The following MATCAP2 variants were observed in gnomAD, a reference collection of about 807,000 sequenced individuals.
MATCAP2 encodes microtubule associated tyrosine carboxypeptidase 2.
At chr7:36,357,523 G>A in the MATCAP2 span, 3 of 1,613,938 alleles carry the variant, frequency 1.9e-6, no homozygotes. Context: ...TGTTGTCAAT[G>A]ATCAATGAAT....
the MATCAP2 span, among the ~76,000 whole-genome samples, chr7:36,349,832 A>G: frequency 6.6e-6 from 1 of 152,214 alleles, no homozygotes; most frequent in East Asian, 1.9e-4. Flanking sequence ...CATCAAGTTC[A>G]TATCTTCTTC....
chr7:36,325,656 A>G, the MATCAP2 span: 1 of 152,306 alleles, frequency 6.6e-6, no homozygotes, highest in East Asian at 1.9e-4. Context: ...ATCCAGGTAT[A>G]TATATACAAG....
the MATCAP2 span, chr7:36,389,998 C>A: frequency 6.2e-7 from 1 of 1,614,126 alleles, no homozygotes; most frequent in Non-Finnish European, 8.5e-7. Context: ...CCACCGTTTC[C>A]ATCGTCTCGT....
At chr7:36,354,646 G>A in the MATCAP2 span, among the ~76,000 whole-genome samples, 11 of 152,260 alleles carry the variant, frequency 7.2e-5, no homozygotes, top group South Asian at 2.1e-4. Context: ...TTATTCACTC[G>A]GTAGCTGAAG....
At chr7:36,366,879 C>T in the MATCAP2 span, 3 of 1,474,444 alleles carry the variant, frequency 2.0e-6, no homozygotes, top group Non-Finnish European at 2.7e-6. Context: ...CGGTCCGCCC[C>T]GCACCCCCGC....
the MATCAP2 span, among the ~76,000 whole-genome samples, chr7:36,352,847 A>C: frequency 1.3e-5 from 2 of 149,960 alleles, no homozygotes; most frequent in Non-Finnish European, 3.0e-5. Flanking sequence ...AAAAAGTATT[A>C]TGTTTGTAGT....
At chr7:36,351,941 TAAAAAAA>T in the MATCAP2 span, among the ~76,000 whole-genome samples, 188 of 115,294 alleles carry the variant, frequency 1.6e-3, 1 homozygote, top group African/African-American at 5.7e-3. Flanking sequence ...GGGAGATTGT[TAAAAAAA>T]AAAAAAAAAA....
chr7:36,367,056 C>T, the MATCAP2 span: 1 of 1,274,072 alleles, frequency 7.8e-7, no homozygotes, highest in Non-Finnish European at 9.8e-7. Flanking sequence ...CGGCGGGAGG[C>T]GGCTCTCCGC....
chr7:36,374,086 A>G, the MATCAP2 span, among the ~76,000 whole-genome samples: 4 of 151,418 alleles, frequency 2.6e-5, no homozygotes, highest in African/African-American at 4.9e-5. Flanking sequence ...TATTTTATAT[A>G]TATATGTTTT....
chr7:36,346,677 T>C, the MATCAP2 span, among the ~76,000 whole-genome samples: 2 of 152,192 alleles, frequency 1.3e-5, no homozygotes, highest in Non-Finnish European at 2.9e-5. Context: ...CTTTTTGAGG[T>C]GACGAAATGT....
At chr7:36,354,804 T>G in the MATCAP2 span, among the ~76,000 whole-genome samples, 4 of 152,242 alleles carry the variant, frequency 2.6e-5, no homozygotes, top group African/African-American at 9.6e-5. Flanking sequence ...TAGTGCTACT[T>G]AGAAGTCTCA....
chr7:36,366,948 C>A, the MATCAP2 span: 1 of 1,364,098 alleles, frequency 7.3e-7, no homozygotes, highest in Non-Finnish European at 9.4e-7. Flanking sequence ...CATCGTCGCC[C>A]CGAGGCCCGG....
chr7:36,378,730 C>G, the MATCAP2 span, among the ~76,000 whole-genome samples: 2 of 152,300 alleles, frequency 1.3e-5, no homozygotes, highest in Non-Finnish European at 2.9e-5. Context: ...GCAGACAGGC[C>G]TCCTTGAGCT....
the MATCAP2 span, among the ~76,000 whole-genome samples, chr7:36,387,774 C>T: frequency 6.6e-6 from 1 of 152,046 alleles, no homozygotes; most frequent in Non-Finnish European, 1.5e-5. Context: ...TAACTAGAAT[C>T]TAGTTGAGGT....
chr7:36,374,548 TA>T, the MATCAP2 span, among the ~76,000 whole-genome samples: 1 of 152,200 alleles, frequency 6.6e-6, no homozygotes, highest in African/African-American at 2.4e-5. Flanking sequence ...TATTATTTTT[TA>T]AAATTATATT....
the MATCAP2 span, among the ~76,000 whole-genome samples, chr7:36,353,481 C>CTTTT: frequency 3.8e-5 from 5 of 130,828 alleles, no homozygotes; most frequent in Non-Finnish European, 3.2e-5. Context: ...TGTTTATGCT[C>CTTTT]TTTTTTTTTT....
At chr7:36,376,004 G>T in the MATCAP2 span, among the ~76,000 whole-genome samples, 1 of 151,914 alleles carries the variant, frequency 6.6e-6, no homozygotes, top group Non-Finnish European at 1.5e-5. Context: ...TCTTGCTAGC[G>T]GTTTATCAAT....
chr7:36,335,371 T>G, the MATCAP2 span, among the ~76,000 whole-genome samples: 1 of 152,166 alleles, frequency 6.6e-6, no homozygotes, highest in Admixed American at 6.5e-5. Flanking sequence ...CTTTGGGAAC[T>G]CAAGAACCTT....
the MATCAP2 span, among the ~76,000 whole-genome samples, chr7:36,382,299 CAAAAAAAAAAAAA>C: frequency 6.4e-5 from 4 of 62,934 alleles, no homozygotes; most frequent in Non-Finnish European, 1.2e-4. Context: ...GCGTCTGTCT[CAAAAAAAAAAAAA>C]AAAAAAAAAA....
Sources: gnomAD v4.1 joint callset for allele counts (sites outside exome capture counted in the v4.1 genomes callset) on GRCh38, gnomAD v4.1.1 for gene constraint, MANE v1.5 for transcripts, NCBI Gene and HGNC (gene_info 2026-07-23, HGNC 2026-07-21) for gene names.